PINLYP: variants seen among roughly 807,000 people sequenced by gnomAD.
PINLYP encodes phospholipase A2 inhibitor and LY6/PLAUR domain containing.
In PINLYP, 12 loss-of-function variants were observed where a neutral mutation model predicts 15.8. The observed-to-expected ratio is 0.76, with a 90% CI of 0.49 to 1.23. The LOEUF is 1.23. Among genes scored for constraint, PINLYP ranks in the 50% most tolerant of loss-of-function variants. The pLI is 0.00. For missense variants in PINLYP, 278 were observed against 264.2 expected (o/e 1.05, Z -0.36); for synonymous variants, 93 against 97.7 (o/e 0.95, Z 0.28).
intron 4 of PINLYP, 24 bp from the exon 5 acceptor site, chr19:43,581,539 C>G (rs561108323): frequency 6.5e-7 from 1 of 1,530,074 alleles, no homozygotes; most frequent in African/African-American, 1.4e-5. Context: ...CCCTATTCAC[C>G]TTACACTTCA....
At chr19:43,579,807 C>T (rs531814632) in intron 3 of PINLYP, among the ~76,000 whole-genome samples, 15 of 151,518 alleles carry the variant, frequency 9.9e-5, no homozygotes, top group South Asian at 4.2e-4. Context: ...GAGGCTGAGG[C>T]AGGAGGATCA....
At chr19:43,578,993 T>G in intron 3 of PINLYP, 1 of 325,756 alleles carries the variant, frequency 3.1e-6, no homozygotes, top group Non-Finnish European at 6.0e-6. Context: ...AGAAGAGGGG[T>G]AAGGAAAGAC....
intron 1 of PINLYP, 61 bp from the exon 2 acceptor site, chr19:43,577,054 C>G: frequency 6.8e-7 from 1 of 1,480,098 alleles, no homozygotes; most frequent in Non-Finnish European, 9.0e-7. Context: ...GTTCTGCCTT[C>G]CCAACCCGGA....
rs141860069 is a variant in PINLYP at position 43,578,717 on chromosome 19, G to A, written c.187+11G>A. The A allele has an allele frequency of 1.9e-4, 294 of 1,532,162 alleles. 1 individual carries two copies. The East Asian group carries it at 6.9e-3, about 36-fold the overall frequency. 94.9% of individuals were successfully genotyped at this position (1,532,162 alleles called of 1,614,324 possible). ...GGAAGGCTACTTCAAGTAAGAGGAT[G>A]TGGCCTGGGACCTGGTGGGGAGGTG... On this transcript the variant is annotated intron_variant, in intron 3 of 5. Transcript: ENST00000599207.
intron 5 of PINLYP, 69 bp from the exon 6 acceptor site, chr19:43,581,799 G>A: frequency 6.5e-7 from 1 of 1,534,004 alleles, no homozygotes; most frequent in Non-Finnish European, 8.7e-7. Context: ...AGTGGGTGAG[G>A]ATGTGTTCTG....
chr19:43,580,126 G>A (rs767763478), intron 3 of PINLYP, among the ~76,000 whole-genome samples: 2 of 152,134 alleles, frequency 1.3e-5, no homozygotes, highest in Non-Finnish European at 2.9e-5. Context: ...GGTCGGGAGA[G>A]GCTGTGAAAG....
At chr19:43,581,667 A>G in exon 5 of PINLYP, 1 of 1,536,416 alleles carries the variant, frequency 6.5e-7, no homozygotes. Flanking sequence ...TGGAAAGGAA[A>G]ACCACTGCGT....
At chr19:43,576,391 C>A (rs1297861058) in exon 1 of PINLYP, among the ~76,000 whole-genome samples, 1 of 151,950 alleles carries the variant, frequency 6.6e-6, no homozygotes, top group East Asian at 1.9e-4. Flanking sequence ...AAAAAATTAG[C>A]AGATCTCTTT....
chr19:43,575,522 G>A (rs3213246), upstream of PINLYP: 325 of 1,542,924 alleles, frequency 2.1e-4, 2 homozygotes, highest in Middle Eastern at 8.6e-4. Context: ...GAGGGGCAGG[G>A]AGAGTGGGAG....
At chr19:43,580,678 T>C in intron 3 of PINLYP, 3 of 985,030 alleles carry the variant, frequency 3.0e-6, no homozygotes, top group Non-Finnish European at 2.4e-6. Context: ...AGGTTGGCAA[T>C]GGGGAGCTGG....
chr19:43,581,915 A>C, exon 6 of PINLYP: 1 of 1,536,656 alleles, frequency 6.5e-7, no homozygotes, highest in South Asian at 1.2e-5. Context: ...TACAGAGAGT[A>C]TGTGCTTTAC....
At chr19:43,575,604 G>A (rs566262647), upstream of PINLYP, 4 of 696,530 alleles carry the variant, frequency 5.7e-6, no homozygotes, top group East Asian at 3.2e-5. Context: ...ACCCCGGCGC[G>A]CCGGCGCCGG....
chr19:43,582,011 TG>T lies in PINLYP; in HGVS notation c.*11del, dbSNP rs369146893. The T allele has an allele frequency of 8.5e-4, 1,310 of 1,535,880 alleles. 5 individuals carry two copies. The African/African-American group carries it at 0.011, about 13-fold the overall frequency. ...CACTCACTCCCCCTGAAAAGCTATC[TG>T]AACAGAGGAAGATAATGTAGTGTGA... On this transcript the variant is annotated 3_prime_UTR_variant, in exon 6 of 6. Coordinates refer to ENST00000599207, the Ensembl canonical transcript of PINLYP.
chr19:43,580,820 G>C (rs1332743033), intron 3 of PINLYP, among the ~76,000 whole-genome samples: 1 of 152,166 alleles, frequency 6.6e-6, no homozygotes, highest in Non-Finnish European at 1.5e-5. Flanking sequence ...CGCCCCGGCC[G>C]GGCTGGCGCA....
chr19:43,579,637 G>A lies in PINLYP; in HGVS notation c.187+931G>A, dbSNP rs1490684947. ...AGGGAGGCCGGGCACGGTGGTTCACGCCTGTAATCCCAGCACTTTGGGAGG... is the reference window on the plus strand; with the variant it reads ...AGGGAGGCCGGGCACGGTGGTTCACACCTGTAATCCCAGCACTTTGGGAGG... On this transcript the variant is annotated intron_variant, in intron 3 of 5. Coordinates refer to ENST00000599207, the Ensembl canonical transcript of PINLYP. 2.7e-5 allele frequency among the ~76,000 whole-genome samples: 4 copies of A among 148,744 alleles called. No individual in the cohort carries two copies. The East Asian group carries it at 8.4e-4, about 31-fold the overall frequency.
intron 4 of PINLYP, 79 bp from the exon 5 acceptor site, chr19:43,581,484 G>T: frequency 6.6e-7 from 1 of 1,507,716 alleles, no homozygotes; most frequent in Non-Finnish European, 8.8e-7. Context: ...AGCAACCCTG[G>T]TGTTTCCCGG....
upstream of PINLYP, chr19:43,575,567 C>A (rs1972850670): frequency 8.0e-7 from 1 of 1,255,346 alleles, no homozygotes; most frequent in East Asian, 2.7e-5. Context: ...CTAAAGTGCG[C>A]AAGCGCGCGA....
chr19:43,581,152 C>T lies in PINLYP; in HGVS notation c.188-60C>T. 3.3e-6 allele frequency: 5 copies of T among 1,509,612 alleles called. No individual in the cohort carries two copies. The Admixed American group carries it at 8.2e-5, about 25-fold the overall frequency. The allele number at this position is 1,509,612 out of a possible 1,614,324, so 93.5% of individuals were successfully genotyped here. On this transcript the variant is annotated intron_variant, in intron 3 of 5. Coordinates refer to ENST00000599207, the Ensembl canonical transcript of PINLYP. ...CCTAGGGTTAGGCAAGACCTTGAGGCAGGGGTTGAAGCCAGGGAGTGGTCA... is the reference window on the plus strand; with the variant it reads ...CCTAGGGTTAGGCAAGACCTTGAGGTAGGGGTTGAAGCCAGGGAGTGGTCA...
chr19:43,579,630 G>T (rs1348106907), intron 3 of PINLYP, among the ~76,000 whole-genome samples: 1 of 150,424 alleles, frequency 6.6e-6, no homozygotes, highest in African/African-American at 2.5e-5. Context: ...CGGGCACGGT[G>T]GTTCACGCCT....
Sources: allele counts gnomAD v4.1 joint callset (sites outside exome capture counted in the v4.1 genomes callset), GRCh38; gene constraint gnomAD v4.1.1; transcripts MANE v1.5; gene names NCBI Gene and HGNC (gene_info 2026-07-23, HGNC 2026-07-21).